The following SYP variants were observed in gnomAD, a reference collection of about 807,000 sequenced individuals.
SYP encodes synaptophysin, also known as major synaptic vesicle protein P38.
SYP carries 2 observed loss-of-function variants against 24.3 expected under a neutral mutation model. The ratio of observed to expected loss-of-function variants is 0.08; its 90% CI spans 0.03 to 0.26. The LOEUF is 0.26. SYP is among the 10% of genes least tolerant of loss of function. The probability of loss-of-function intolerance (pLI) is 1.00; values close to 1 mark genes in which losing one functional copy is unlikely to be tolerated. For missense variants in SYP, 216 were observed against 266.3 expected, an observed-to-expected ratio of 0.81 and a Z score of 1.32; for synonymous variants, 143 against 123.2, an observed-to-expected ratio of 1.16 and a Z score of -1.07.
intron 3 of SYP, among the ~76,000 whole-genome samples, chrX:49,196,332 G>C (rs146966871): frequency 2.2e-3 from 249 of 111,464 alleles, no homozygotes; most frequent in African/African-American, 7.2e-3. Flanking sequence ...TCATTGCTCA[G>C]GGCCTGTGCT....
In SYP at chrX:49,191,492, C is replaced by T; in HGVS notation, c.887G>A (p.Gly296Glu). 1 of 1,211,492 alleles carries T rather than the reference C, an allele frequency of 8.3e-7. No individual in the cohort carries two copies. Residue 296 changes from glycine to glutamate, a missense_variant, in exon 6 of 7, where the codon GGG becomes GAG. By Grantham distance (98) the Gly-to-Glu change is moderately conservative. This residue lies in a region of SYP where 114 missense variants were observed against 107.9 expected (regional missense o/e 1.06). Transcript: ENST00000263233. The part of the protein sequence containing the change: ...GSGYGPQGDY[G>E]QQGYGPQGAP... ...ACCCTGCGGGCCGTAGCCTTGCTGC[C>T]CATAGTCGCCCTGAGGCCCGTAGCC...
chrX:49,191,530 G>A lies in SYP; in HGVS notation c.849C>T (p.Gly283=), dbSNP rs1557102723. 8.3e-7 allele frequency: 1 copy of A among 1,211,303 alleles called. No individual in the cohort carries two copies. Among genetic ancestry groups the A allele is most frequent in the Admixed American group, 2.2e-5 (1 of 46,117 alleles). ...GYQPDYGQPA[G]SGGSGYGPQG... Reference sequence around the variant, plus strand: ...GAGGCCCGTAGCCACTGCCACCGCTGCCGGCTGGTTGACCATAGTCAGGCT... The same window carrying A: ...GAGGCCCGTAGCCACTGCCACCGCTACCGGCTGGTTGACCATAGTCAGGCT... The change falls in exon 6 of 7, where the codon GGC becomes GGT. Residue 283 remains glycine (G), a synonymous_variant. Coordinates refer to ENST00000263233, the MANE Select transcript of SYP (RefSeq NM_003179.3).
At chrX:49,194,495 T>C in intron 3 of SYP, 134 bp from the exon 4 acceptor site, 3 of 581,912 alleles carry the variant, frequency 5.2e-6, no homozygotes. Flanking sequence ...GCACCTACTA[T>C]GTACCAGTCA....
intron 4 of SYP, among the ~76,000 whole-genome samples, chrX:49,193,700 G>A (rs1557103059): frequency 8.9e-6 from 1 of 112,814 alleles, no homozygotes; most frequent in East Asian, 2.8e-4. Context: ...GTGTTGGGGG[G>A]AGGGGAACTC....
At chrX:49,190,181 C>CTT (rs3841666) in intron 6 of SYP, among the ~76,000 whole-genome samples, 1 of 103,903 alleles carries the variant, frequency 9.6e-6, no homozygotes. Flanking sequence ...TTCTCTTTTT[C>CTT]TTTTTTTTTT....
chrX:49,193,491 G>A (rs191244318), intron 4 of SYP, 28 bp from the exon 5 acceptor site: 13,689 of 1,204,534 alleles, frequency 0.011, 74 homozygotes, highest in Non-Finnish European at 0.013. Flanking sequence ...GAGGAAGACA[G>A]CACTGTGAGT....
intron 3 of SYP, 73 bp downstream of exon 3, chrX:49,197,642 G>C: frequency 1.0e-5 from 12 of 1,164,465 alleles, no homozygotes; most frequent in Non-Finnish European, 1.4e-5. Flanking sequence ...CTACTTGCGG[G>C]GGGAGGTATT....
chrX:49,191,246 A>C, intron 6 of SYP, 187 bp downstream of exon 6: 1 of 481,512 alleles, frequency 2.1e-6, no homozygotes, highest in Non-Finnish European at 3.6e-6. Flanking sequence ...TCTTTTCTCC[A>C]TTCATTAGCT....
Position 49,191,647 on chromosome X carries a change from C to T in SYP, c.732G>A (p.Pro244=), listed in dbSNP as rs1557102750. The T allele has an allele frequency of 1.7e-6, 2 of 1,206,637 alleles. No homozygotes were observed. Among genetic ancestry groups the T allele is most frequent in the South Asian group, 1.8e-5 (1 of 56,502 alleles). Residue 244 remains proline, a synonymous_variant, in exon 6 of 7, where the codon CCG becomes CCA. Transcript: ENST00000263233. ...RAPPGAPEKQ[P]APGDAYGDAG... is the part of the protein sequence containing the mutation. ...CATCGCCGTAGGCGTCCCCGGGTGC[C>T]GGTTGTTTCTCGGGGGCGCCGGGAG...
At chrX:49,198,567 C>CTTT in intron 2 of SYP, 1 of 163,425 alleles carries the variant, frequency 6.1e-6, no homozygotes, top group Non-Finnish European at 1.2e-5. Context: ...CTCCATATTT[C>CTTT]TTTTTTTTTT....
rs1468334946 is a variant in SYP, at chrX:49,188,737, C to T, written c.*550G>A. 1 of 111,065 alleles carries T rather than the reference C, an allele frequency of 9.0e-6. No individual in the cohort carries two copies. The highest frequency in any genetic ancestry group is 1.9e-5 in the Non-Finnish European group (1 of 52,970). The allele number at this position is 111,065 out of a possible 1,213,427, so 9.2% of individuals were successfully genotyped here. On this transcript the variant is annotated 3_prime_UTR_variant, in exon 7 of 7. Coordinates refer to ENST00000263233, the MANE Select transcript of SYP (RefSeq NM_003179.3). ...GAACCCAACCCCCCTGCTGACCCCT[C>T]CACTCCACACCTCCTCTCCAAGACC...
At chrX:49,199,150 A>T (rs1461500381) in intron 1 of SYP, 117 bp from the exon 2 acceptor site, 4 of 700,928 alleles carry the variant, frequency 5.7e-6, no homozygotes, top group Non-Finnish European at 8.8e-6. Context: ...GGAGAGGGTG[A>T]GAAGGAGAAA....
intron 1 of SYP, among the ~76,000 whole-genome samples, chrX:49,199,933 G>A (rs1646542029): frequency 1.8e-5 from 2 of 111,287 alleles, no homozygotes; most frequent in South Asian, 7.6e-4. Context: ...CCCCCGCTGC[G>A]GCAGTGAGGA....
rs1428555292 is a variant in SYP at position 49,189,221 on chromosome X, G to T, written c.*66C>A. The stretch of plus-strand genomic sequence containing the variant: ...GTGGAGACCTAGGGTATAGGGGTGG[G>T]AAGGGGGGCAGGCCTTCTCCTGAGC... On this transcript the variant is annotated 3_prime_UTR_variant, in exon 7 of 7. Coordinates refer to ENST00000263233, the MANE Select transcript of SYP (RefSeq NM_003179.3). 9.2e-6 allele frequency: 1 copy of T among 109,131 alleles called. No homozygotes were observed. Among genetic ancestry groups the T allele is most frequent in the African/African-American group, 3.3e-5 (1 of 29,889 alleles). The allele number at this position is 109,131 out of a possible 1,213,427, so 9.0% of individuals were successfully genotyped here.
rs781879828 is a variant in SYP, at chrX:49,194,061, T to C, written c.423+105A>G. The C allele has an allele frequency of 2.3e-5, 22 of 948,787 alleles. No homozygotes were observed. In the East Asian group the frequency reaches 6.6e-4, roughly 29 times the overall value. 78.2% of individuals were successfully genotyped at this position (948,787 alleles called of 1,213,427 possible). On this transcript the variant is annotated intron_variant, in intron 4 of 6. Transcript: ENST00000263233. Reference sequence around the variant, plus strand: ...ATGTGTGGCTGTTATGGTGGCTGTTTGCATGTGGGCCTGTCTGGGATTTGG... The same window carrying C: ...ATGTGTGGCTGTTATGGTGGCTGTTCGCATGTGGGCCTGTCTGGGATTTGG...
intron 1 of SYP, among the ~76,000 whole-genome samples, chrX:49,199,848 C>T (rs1179709134): frequency 9.1e-6 from 1 of 109,831 alleles, no homozygotes; most frequent in Non-Finnish European, 1.9e-5. Context: ...CTCCCCTTGT[C>T]CCTTGCCCTC....
intron 6 of SYP, among the ~76,000 whole-genome samples, chrX:49,190,069 A>C (rs2065500462): frequency 1.8e-5 from 2 of 111,015 alleles, no homozygotes; most frequent in African/African-American, 6.6e-5. Context: ...CCATCCAAGT[A>C]TTGCCACCTT....
At chrX:49,195,835 A>G (rs2065526622) in intron 3 of SYP, among the ~76,000 whole-genome samples, 1 of 112,313 alleles carries the variant, frequency 8.9e-6, no homozygotes, top group African/African-American at 3.2e-5. Context: ...GCAATTCTCT[A>G]AAGAAGGCAT....
At chrX:49,196,639 T>C (rs1391076870) in intron 3 of SYP, among the ~76,000 whole-genome samples, 1 of 111,664 alleles carries the variant, frequency 9.0e-6, no homozygotes, top group African/African-American at 3.3e-5. Flanking sequence ...AGTGGTTATG[T>C]GATTTGGCCA....
Sources: gnomAD v4.1 joint callset for allele counts (sites outside exome capture counted in the v4.1 genomes callset) on GRCh38, gnomAD v4.1.1 for gene constraint, gnomAD v4.1.1 regional missense constraint, MANE v1.5 for transcripts, NCBI Gene and HGNC (gene_info 2026-07-23, HGNC 2026-07-21) for gene names.